Variants in IGFL4 observed in about 807,000 individuals in gnomAD.
IGFL4 encodes insulin growth factor-like family member 4.
Under a neutral mutation model 15.4 loss-of-function variants are expected in IGFL4, and 12 were observed. The observed-to-expected ratio is 0.78, with a 90% confidence interval of 0.50 to 1.26. IGFL4 has a LOEUF of 1.26. Ranked by LOEUF, IGFL4 falls within the 50% of genes most tolerant of loss-of-function variation. IGFL4 has a pLI of 0.00. For synonymous variants in IGFL4, 54 were observed against 55.9 expected (o/e 0.97, Z 0.16); for missense variants, 126 against 147.8 (o/e 0.85, Z 0.76).
chr19:46,069,183 A>T (rs1199903049), intron 1 of IGFL4, among the ~76,000 whole-genome samples: 2 of 152,200 alleles, frequency 1.3e-5, no homozygotes, highest in African/African-American at 2.4e-5. Flanking sequence ...CCCACCTCAG[A>T]GGCCAGGCAC....
rs180775024 is a variant in IGFL4 at position 46,049,479 on chromosome 19, G to A, written c.-322-8369C>T. 1.4e-3 allele frequency among the ~76,000 whole-genome samples: 215 copies of A among 152,256 alleles called. 1 individual carries two copies. The highest frequency in any genetic ancestry group is 3.7e-3 in the South Asian group (18 of 4,826). ...GGGTTGTGGGCTGCATGGGAGCTGG[G>A]TGAGGTCTGTGATTGCTGGTTTTCC... is the stretch of plus-strand genomic sequence containing the variant. On this transcript the variant is annotated intron_variant, in intron 2 of 5. Coordinates refer to the IGFL4 transcript ENST00000601672.
At chr19:46,070,599 G>A (rs369585969) in intron 1 of IGFL4, among the ~76,000 whole-genome samples, 2 of 152,138 alleles carry the variant, frequency 1.3e-5, no homozygotes, top group East Asian at 1.9e-4. Context: ...AGCTCAAAAC[G>A]CCCAATCCCC....
At chr19:46,043,199 C>T (rs1284212735), upstream of IGFL4, among the ~76,000 whole-genome samples, 1 of 152,110 alleles carries the variant, frequency 6.6e-6, no homozygotes, top group Non-Finnish European at 1.5e-5. Flanking sequence ...TAATGCCCCC[C>T]TACTGAAATT....
At chr19:46,044,544 A>C (rs528727707), upstream of IGFL4, among the ~76,000 whole-genome samples, 1 of 152,312 alleles carries the variant, frequency 6.6e-6, no homozygotes, top group Non-Finnish European at 1.5e-5. Flanking sequence ...TCTGTGGTTC[A>C]GTAGACTCAG....
At chr19:46,043,264 A>G (rs1969264142), upstream of IGFL4, among the ~76,000 whole-genome samples, 2 of 152,214 alleles carry the variant, frequency 1.3e-5, no homozygotes, top group Non-Finnish European at 1.5e-5. Context: ...ATATATGCTT[A>G]AAACTATAAA....
chr19:46,061,996 G>A (rs909484803), intron 1 of IGFL4, among the ~76,000 whole-genome samples: 18 of 152,104 alleles, frequency 1.2e-4, no homozygotes, highest in Admixed American at 5.2e-4. Context: ...CAGAGTCTTC[G>A]ATTTTGAGAG....
chr19:46,074,980 C>G (rs1288295790), intron 1 of IGFL4, among the ~76,000 whole-genome samples: 2 of 152,142 alleles, frequency 1.3e-5, no homozygotes, highest in Middle Eastern at 3.4e-3. Flanking sequence ...CAAGGTAAGC[C>G]CAGATTGAAG....
At chr19:46,042,198 C>G (rs1317689863), upstream of IGFL4, among the ~76,000 whole-genome samples, 2 of 152,162 alleles carry the variant, frequency 1.3e-5, no homozygotes, top group African/African-American at 4.8e-5. Flanking sequence ...ATGCAATAAA[C>G]TAGCTCTCCT....
chr19:46,046,091 A>G (rs571252734), intron 2 of IGFL4, among the ~76,000 whole-genome samples: 18 of 152,356 alleles, frequency 1.2e-4, no homozygotes, highest in African/African-American at 3.8e-4. Flanking sequence ...ACAAGCCAGA[A>G]GAGATTGGGG....
chr19:46,065,007 A>C (rs1269513963), intron 1 of IGFL4, among the ~76,000 whole-genome samples: 1 of 152,034 alleles, frequency 6.6e-6, no homozygotes, highest in Non-Finnish European at 1.5e-5. Context: ...ATGATATCTC[A>C]TTGCAGTTTT....
intron 2 of IGFL4, among the ~76,000 whole-genome samples, chr19:46,053,276 A>G (rs5008053): frequency 0.86 from 130,762 of 152,208 alleles, 56,542 homozygotes; most frequent in African/African-American, 0.93. Context: ...GTGCAGTGGC[A>G]TGATCTCAGC....
chr19:46,076,740 T>G (rs1031815669), intron 1 of IGFL4, among the ~76,000 whole-genome samples: 3 of 149,718 alleles, frequency 2.0e-5, no homozygotes, highest in African/African-American at 5.0e-5. Context: ...TATCCTGGTG[T>G]TGTCAACTTA....
intron 1 of IGFL4, among the ~76,000 whole-genome samples, chr19:46,069,430 T>C (rs1969525074): frequency 6.6e-6 from 1 of 152,234 alleles, no homozygotes. Context: ...ATGGTGAGCA[T>C]TGATAATTTT....
At chr19:46,071,007 A>T (rs1215945316) in intron 1 of IGFL4, among the ~76,000 whole-genome samples, 2 of 152,132 alleles carry the variant, frequency 1.3e-5, no homozygotes, top group Non-Finnish European at 2.9e-5. Context: ...AGTGGAGTAC[A>T]GCTCCCAACA....
intron 1 of IGFL4, among the ~76,000 whole-genome samples, chr19:46,060,945 G>T (rs377730731): frequency 6.6e-6 from 1 of 152,078 alleles, no homozygotes; most frequent in East Asian, 1.9e-4. Flanking sequence ...TAAGATTCTC[G>T]TAAACTTTTT....
chr19:46,066,360 A>T (rs1037141269), intron 1 of IGFL4, among the ~76,000 whole-genome samples: 1 of 152,226 alleles, frequency 6.6e-6, no homozygotes, highest in African/African-American at 2.4e-5. Flanking sequence ...TTTATTTGCT[A>T]AACTGGCAAC....
chr19:46,042,138 C>T (rs556819547), upstream of IGFL4, among the ~76,000 whole-genome samples: 6,185 of 152,078 alleles, frequency 0.041, 408 homozygotes, highest in African/African-American at 0.14. Context: ...TGCACTCCAG[C>T]CTGGCCTCTC....
In IGFL4 at chr19:46,040,032, A is replaced by G. The variant is rs1433637439; in HGVS notation, c.331-96T>C. 8 of 1,502,546 alleles carry G rather than the reference A, an allele frequency of 5.3e-6. No individual in the cohort carries two copies. Among genetic ancestry groups the G allele is most frequent in the Non-Finnish European group, 7.4e-6 (8 of 1,079,626 alleles). 93.1% of individuals were successfully genotyped at this position (1,502,546 alleles called of 1,614,324 possible). A position where few individuals can be genotyped will look rare whatever the true frequency, so the allele number is the denominator to read the frequency against. ...GAGACATGGAGAAAGACAGAGTTGC[A>G]TGGTTACTGAGAGATGGGAAGGTAT... is the stretch of plus-strand genomic sequence containing the variant. On this transcript the variant is annotated intron_variant, in intron 3 of 3. Transcript: ENST00000377697. This position sits in a 1 kb window ranked among gnomAD's most constrained non-coding sequence, Gnocchi z 4.1.
intron 2 of IGFL4, among the ~76,000 whole-genome samples, chr19:46,054,418 T>A (rs1969375079): frequency 6.6e-6 from 1 of 152,218 alleles, no homozygotes; most frequent in Non-Finnish European, 1.5e-5. Context: ...TGGCTATAGA[T>A]ACTTGGATTA....
Sources: allele counts gnomAD v4.1 joint callset (sites outside exome capture counted in the v4.1 genomes callset), GRCh38; gene constraint gnomAD v4.1.1; non-coding constraint Gnocchi (gnomAD v3.1); transcripts MANE v1.5; gene names NCBI Gene and HGNC (gene_info 2026-07-23, HGNC 2026-07-21).